Variants in DCC observed in about 807,000 individuals in gnomAD.
DCC encodes the protein DCC netrin 1 receptor, also known as netrin receptor DCC.
A neutral mutation model predicts 172.5 loss-of-function variants in DCC; 58 were observed. That is an observed-to-expected ratio of 0.34 (90% confidence interval 0.27 to 0.42). The LOEUF (loss-of-function observed/expected upper bound fraction) is 0.42. Among genes scored for constraint, DCC ranks in the 10% least tolerant of loss-of-function variants. The pLI is 1.00. For synonymous variants in DCC, 709 were observed against 644.5 expected (o/e 1.10, Z -1.52); for missense variants, 1,740 against 1,791.0 (o/e 0.97, Z 0.51).
chr18:52,782,212 AG>A (rs1352965035), intron 2 of DCC, among the ~76,000 whole-genome samples: 6 of 152,154 alleles, frequency 3.9e-5, no homozygotes, highest in African/African-American at 1.4e-4. Flanking sequence ...ACCCCTATAT[AG>A]TTCAACAGGC....
At chr18:53,468,849 T>TCCTTTC (rs2045660736) in intron 25 of DCC, among the ~76,000 whole-genome samples, 2 of 152,174 alleles carry the variant, frequency 1.3e-5, no homozygotes. Flanking sequence ...GAGAATCACT[T>TCCTTTC]CCTTTCCCAT....
chr18:53,228,108 G>T (rs892872261), intron 12 of DCC, among the ~76,000 whole-genome samples: 1 of 152,030 alleles, frequency 6.6e-6, no homozygotes, highest in South Asian at 2.1e-4. Context: ...CTCTAGAGAT[G>T]CCTATATTTC....
intron 5 of DCC, among the ~76,000 whole-genome samples, chr18:53,004,296 G>A (rs2143854203): frequency 6.6e-6 from 1 of 152,258 alleles, no homozygotes; most frequent in Non-Finnish European, 1.5e-5. Flanking sequence ...TCACGTATCA[G>A]TTACCATTTG....
chr18:52,558,628 A>G (rs770989228), intron 1 of DCC, among the ~76,000 whole-genome samples: 24 of 152,280 alleles, frequency 1.6e-4, no homozygotes, highest in South Asian at 2.1e-4. Flanking sequence ...GGGGTTTATC[A>G]CACCCATGTA....
intron 21 of DCC, among the ~76,000 whole-genome samples, chr18:53,433,363 C>T (rs1911742812): frequency 6.6e-6 from 1 of 152,120 alleles, no homozygotes; most frequent in Admixed American, 6.5e-5. Context: ...TTGGAAACTT[C>T]ATTAAAAAGA....
At chr18:53,352,078 A>C (rs1009235004) in intron 15 of DCC, among the ~76,000 whole-genome samples, 1 of 152,070 alleles carries the variant, frequency 6.6e-6, no homozygotes, top group Non-Finnish European at 1.5e-5. Context: ...CAGAACTTGC[A>C]GATAGAGCAC....
At chr18:53,317,716 G>C (rs934838935) in intron 13 of DCC, among the ~76,000 whole-genome samples, 3 of 152,046 alleles carry the variant, frequency 2.0e-5, no homozygotes, top group Non-Finnish European at 4.4e-5. Context: ...CGGGCAGGGG[G>C]CATATGTGTC....
At chr18:53,032,030 G>A (rs1259937556) in intron 5 of DCC, among the ~76,000 whole-genome samples, 1 of 152,098 alleles carries the variant, frequency 6.6e-6, no homozygotes, top group East Asian at 1.9e-4. Context: ...GTGTGATTTT[G>A]TGAAATATGT....
chr18:52,841,001 G>T (rs529347317), intron 2 of DCC, among the ~76,000 whole-genome samples: 1 of 152,128 alleles, frequency 6.6e-6, no homozygotes, highest in African/African-American at 2.4e-5. Context: ...CAATGACTGG[G>T]TGTGGAAGCT....
chr18:53,093,696 A>G (rs1463499914), intron 7 of DCC, among the ~76,000 whole-genome samples: 1 of 152,166 alleles, frequency 6.6e-6, no homozygotes, highest in Non-Finnish European at 1.5e-5. Flanking sequence ...GCACATGTAA[A>G]TACATCACTG....
At chr18:52,384,886 C>A (rs1341860450) in intron 1 of DCC, among the ~76,000 whole-genome samples, 1 of 152,036 alleles carries the variant, frequency 6.6e-6, no homozygotes, top group African/African-American at 2.4e-5. Context: ...GTAACATACA[C>A]AAGCAATAAT....
At chr18:52,856,520 G>T (rs889967912) in intron 2 of DCC, among the ~76,000 whole-genome samples, 3 of 150,286 alleles carry the variant, frequency 2.0e-5, no homozygotes, top group Non-Finnish European at 4.4e-5. Context: ...CAGCTACTCC[G>T]GAAGCTGAGG....
chr18:52,747,220 A>C (rs2036920070), intron 1 of DCC, among the ~76,000 whole-genome samples: 1 of 152,176 alleles, frequency 6.6e-6, no homozygotes, highest in South Asian at 2.1e-4. Context: ...AGATTTGGGA[A>C]CTTTCCAGTC....
At chr18:52,656,286 C>T (rs2035253761) in intron 1 of DCC, among the ~76,000 whole-genome samples, 1 of 151,608 alleles carries the variant, frequency 6.6e-6, no homozygotes, top group Non-Finnish European at 1.5e-5. Context: ...TGATTCGTGC[C>T]CTTATAGCAG....
chr18:52,469,332 T>C (rs1550568), intron 1 of DCC, among the ~76,000 whole-genome samples: 6,233 of 152,154 alleles, frequency 0.041, 177 homozygotes, highest in South Asian at 0.12. Flanking sequence ...GCCCACCTCC[T>C]AAAGTGCTAG....
chr18:52,656,056 A>ATG (rs775616077), intron 1 of DCC, among the ~76,000 whole-genome samples: 8,449 of 139,340 alleles, frequency 0.061, 381 homozygotes, highest in Middle Eastern at 0.17. Flanking sequence ...ATATGTATAT[A>ATG]TGTGTATATA....
chr18:53,194,916 A>C (rs764908819), intron 9 of DCC, among the ~76,000 whole-genome samples: 17 of 152,368 alleles, frequency 1.1e-4, no homozygotes, highest in Non-Finnish European at 2.1e-4. Context: ...AAGATTAAAT[A>C]CTTCTTCCTC....
chr18:52,369,762 T>G (rs1445897490), intron 1 of DCC, among the ~76,000 whole-genome samples: 1 of 152,082 alleles, frequency 6.6e-6, no homozygotes, highest in Non-Finnish European at 1.5e-5. Flanking sequence ...TTATACAGAA[T>G]TGGTCTGTCA....
At chr18:52,583,070 C>G (rs1164610463) in intron 1 of DCC, among the ~76,000 whole-genome samples, 2 of 152,008 alleles carry the variant, frequency 1.3e-5, no homozygotes, top group East Asian at 3.9e-4. Context: ...TATATTGGCT[C>G]TCTACAATAT....
Sources: allele counts gnomAD v4.1 joint callset (sites outside exome capture counted in the v4.1 genomes callset), GRCh38; gene constraint gnomAD v4.1.1; transcripts MANE v1.5; gene names NCBI Gene and HGNC (gene_info 2026-07-23, HGNC 2026-07-21).